IGF2BP1: variants seen among roughly 807,000 people sequenced by gnomAD.
IGF2BP1 encodes the protein insulin-like growth factor 2 mRNA-binding protein 1.
A neutral mutation model predicts 74.9 loss-of-function variants in IGF2BP1; 11 were observed. The observed-to-expected ratio is 0.15, with a 90% CI of 0.09 to 0.24. The LOEUF (loss-of-function observed/expected upper bound fraction) is 0.24. Ranked by LOEUF, IGF2BP1 falls within the 10% of genes least tolerant of loss-of-function variation. The pLI is 1.00. For synonymous variants in IGF2BP1, 287 were observed against 281.8 expected, an observed-to-expected ratio of 1.02 and a Z score of -0.18; for missense variants, 440 against 757.4, an observed-to-expected ratio of 0.58 and a Z score of 4.92.
At chr17:49,044,316 T>C (rs529873680) in intron 11 of IGF2BP1, among the ~76,000 whole-genome samples, 4 of 152,248 alleles carry the variant, frequency 2.6e-5, no homozygotes, top group African/African-American at 4.8e-5. Context: ...GGTTATAACA[T>C]AGAAAGAGAA....
At chr17:49,035,646 T>C (rs2144101358) in intron 5 of IGF2BP1, among the ~76,000 whole-genome samples, 1 of 152,252 alleles carries the variant, frequency 6.6e-6, no homozygotes, top group African/African-American at 2.4e-5. Context: ...TGGGGGTGGC[T>C]GGGGCACCTG....
chr17:49,036,936 C>T (rs1187672841), intron 5 of IGF2BP1: 1 of 174,106 alleles, frequency 5.7e-6, no homozygotes, highest in African/African-American at 2.6e-5. Flanking sequence ...AACTCTGTCT[C>T]AAGAAAAAAA....
chr17:48,997,978 C>G lies in IGF2BP1; in HGVS notation c.175+58C>G. 1.3e-6 allele frequency: 2 copies of G among 1,561,236 alleles called. No homozygotes were observed. The highest frequency in any genetic ancestry group is 2.3e-5 in the South Asian group (2 of 85,294). On this transcript the variant is annotated intron_variant, in intron 1 of 14. Coordinates refer to ENST00000290341, the MANE Select transcript of IGF2BP1 (RefSeq NM_006546.4). The surrounding 1 kb of genome is among the most constrained non-coding windows in gnomAD (Gnocchi z 4.8). ...AACGAGAGCCCCGAACAACGGAGAC[C>G]CGCACCTTCCGGTTCCTCTCCCGCC...
At chr17:49,048,503 T>A (rs2042130926) in intron 14 of IGF2BP1, among the ~76,000 whole-genome samples, 1 of 152,128 alleles carries the variant, frequency 6.6e-6, no homozygotes, top group African/African-American at 2.4e-5. Context: ...TTCACCCGCC[T>A]CAGCTCCCCA....
At chr17:49,018,709 A>T (rs1272151379) in intron 2 of IGF2BP1, among the ~76,000 whole-genome samples, 1 of 152,142 alleles carries the variant, frequency 6.6e-6, no homozygotes, top group Non-Finnish European at 1.5e-5. Flanking sequence ...GGACACAGAA[A>T]ATCCCTCTAA....
At chr17:49,002,482 A>G (rs2041498946) in intron 2 of IGF2BP1, among the ~76,000 whole-genome samples, 1 of 152,086 alleles carries the variant, frequency 6.6e-6, no homozygotes, top group South Asian at 2.1e-4. Context: ...ATGAATGAAG[A>G]GGGGTTAAAA....
At chr17:49,021,202 G>A (rs1164392269) in intron 2 of IGF2BP1, among the ~76,000 whole-genome samples, 1 of 151,796 alleles carries the variant, frequency 6.6e-6, no homozygotes, top group Admixed American at 6.6e-5. Context: ...TTTCTCTTTG[G>A]TGTAAGTCAG....
intron 5 of IGF2BP1, chr17:49,037,195 C>A: frequency 2.1e-6 from 1 of 479,668 alleles, no homozygotes; most frequent in Non-Finnish European, 4.0e-6. Context: ...AGAGAAAAGG[C>A]CAGAGAGAGG....
chr17:48,997,583 C>G lies in IGF2BP1; in HGVS notation c.-163C>G. The G allele has an allele frequency of 4.2e-6, 3 of 719,490 alleles. No individual in the cohort carries two copies. Among genetic ancestry groups the G allele is most frequent in the Non-Finnish European group, 6.7e-6 (3 of 446,790 alleles). 44.6% of individuals were successfully genotyped at this position (719,490 alleles called of 1,614,324 possible). On this transcript the variant is annotated 5_prime_UTR_variant, in exon 1 of 15. Transcript: ENST00000290341. The surrounding 1 kb of genome is among the most constrained non-coding windows in gnomAD (Gnocchi z 4.8). ...CCCGCGACCTCTGCGCGCCCTCAGG[C>G]CGCCTTCCCCGCCCTGGGCTCGGGA...
intron 2 of IGF2BP1, among the ~76,000 whole-genome samples, chr17:49,005,655 G>A (rs1267792777): frequency 3.3e-5 from 5 of 152,150 alleles, no homozygotes; most frequent in Non-Finnish European, 7.3e-5. Context: ...TTTCTACCAT[G>A]TCTGGTTAGT....
chr17:49,043,819 C>G, intron 10 of IGF2BP1, 148 bp from the exon 11 acceptor site: 1 of 1,151,086 alleles, frequency 8.7e-7, no homozygotes, highest in South Asian at 1.5e-5. Context: ...ATAGGAAGAG[C>G]TAAAGAGCTC....
At chr17:49,037,760 A>G (rs2042006138) in intron 5 of IGF2BP1, among the ~76,000 whole-genome samples, 2 of 152,104 alleles carry the variant, frequency 1.3e-5, no homozygotes, top group African/African-American at 2.4e-5. Flanking sequence ...CGGGAAGTGT[A>G]TGTGTTAGCT....
chr17:49,048,118 T>C (rs535266304), intron 14 of IGF2BP1, among the ~76,000 whole-genome samples: 62 of 152,356 alleles, frequency 4.1e-4, no homozygotes, highest in African/African-American at 1.5e-3. Context: ...TTATTTCCTT[T>C]ATAAAACTTT....
chr17:49,046,736 G>A (rs2042111895), intron 14 of IGF2BP1, among the ~76,000 whole-genome samples: 1 of 151,820 alleles, frequency 6.6e-6, no homozygotes, highest in African/African-American at 2.4e-5. Flanking sequence ...AAGAAGATTA[G>A]TTTTGTTCAT....
chr17:49,030,246 G>T (rs1418222401), intron 4 of IGF2BP1, among the ~76,000 whole-genome samples: 2 of 150,842 alleles, frequency 1.3e-5, no homozygotes, highest in Non-Finnish European at 2.9e-5. Flanking sequence ...GGTTGAAGCA[G>T]TTCTTCTGTC....
intron 2 of IGF2BP1, among the ~76,000 whole-genome samples, chr17:49,022,818 C>G (rs1229764874): frequency 6.6e-6 from 1 of 152,134 alleles, no homozygotes; most frequent in African/African-American, 2.4e-5. Context: ...ACTAAGGGAC[C>G]ATCTTGAAAG....
At chr17:49,044,227 G>C in intron 11 of IGF2BP1, 141 bp downstream of exon 11, 1 of 1,253,924 alleles carries the variant, frequency 8.0e-7, no homozygotes, top group Non-Finnish European at 1.1e-6. Flanking sequence ...TGGAATCGAA[G>C]TCCTCTTTGT....
intron 2 of IGF2BP1, among the ~76,000 whole-genome samples, chr17:49,020,018 ACACACACACACATATATATG>A: frequency 1.2e-5 from 1 of 83,536 alleles, no homozygotes. Flanking sequence ...ACATATATAT[ACACACACACACATATATATG>A]TATGTATTTT....
At chr17:49,033,366 G>T (rs1371405764) in intron 5 of IGF2BP1, among the ~76,000 whole-genome samples, 1 of 149,228 alleles carries the variant, frequency 6.7e-6, no homozygotes, top group Non-Finnish European at 1.5e-5. Context: ...TTTTGAGACG[G>T]AGTCTCACTC....
Sources: allele counts gnomAD v4.1 joint callset (sites outside exome capture counted in the v4.1 genomes callset), GRCh38; gene constraint gnomAD v4.1.1; non-coding constraint Gnocchi (gnomAD v3.1); transcripts MANE v1.5; gene names NCBI Gene and HGNC (gene_info 2026-07-23, HGNC 2026-07-21).